The following PTPRG variants were observed in gnomAD, a reference collection of about 807,000 sequenced individuals.
The protein encoded by PTPRG is receptor-type tyrosine-protein phosphatase gamma.
Under a neutral mutation model 165.3 loss-of-function variants are expected in PTPRG, and 102 were observed. That is an observed-to-expected ratio of 0.62 (90% confidence interval 0.53 to 0.73). The LOEUF (loss-of-function observed/expected upper bound fraction) is 0.73, where lower values mean the gene tolerates loss of function less well. Ranked by LOEUF, PTPRG falls within the 30% of genes least tolerant of loss-of-function variation. The probability of loss-of-function intolerance (pLI) is 0.00; values close to 1 mark genes in which losing one functional copy is unlikely to be tolerated. For missense variants in PTPRG, 1,866 were observed against 1,861.4 expected (o/e 1.00, Z -0.05); for synonymous variants, 675 against 669.5 (o/e 1.01, Z -0.13).
At chr3:61,594,674 CTTTG>C (rs985035857) in intron 1 of PTPRG, among the ~76,000 whole-genome samples, 37 of 152,134 alleles carry the variant, frequency 2.4e-4, no homozygotes, top group African/African-American at 8.9e-4. Flanking sequence ...GTGCCAGGTC[CTTTG>C]TTTGAACCTC....
intron 2 of PTPRG, among the ~76,000 whole-genome samples, chr3:61,817,949 G>C (rs565571266): frequency 6.6e-6 from 1 of 152,210 alleles, no homozygotes; most frequent in East Asian, 1.9e-4. Context: ...GGGGCGGTGA[G>C]AGTCAAGTAT....
At chr3:62,087,352 G>C (rs1226031382) in intron 5 of PTPRG, among the ~76,000 whole-genome samples, 1 of 152,088 alleles carries the variant, frequency 6.6e-6, no homozygotes, top group African/African-American at 2.4e-5. Flanking sequence ...TAGATTTATC[G>C]GGAGAACTCC....
chr3:62,034,010 C>T (rs567675758), intron 4 of PTPRG, among the ~76,000 whole-genome samples: 2 of 152,332 alleles, frequency 1.3e-5, no homozygotes, highest in South Asian at 2.1e-4. Context: ...AGATAATCCT[C>T]CTGCCTCGGC....
chr3:61,994,859 G>T (rs1425957265), intron 3 of PTPRG, among the ~76,000 whole-genome samples: 2 of 152,140 alleles, frequency 1.3e-5, no homozygotes, highest in Non-Finnish European at 2.9e-5. Flanking sequence ...ACACAGGCCA[G>T]GGGTAACTAC....
intron 2 of PTPRG, chr3:61,753,585 G>GAT: frequency 2.8e-6 from 1 of 362,970 alleles, no homozygotes. Context: ...AAATTTGAGG[G>GAT]TTTTTTTTTT....
chr3:61,904,815 C>T (rs2038599672), intron 2 of PTPRG, among the ~76,000 whole-genome samples: 1 of 152,084 alleles, frequency 6.6e-6, no homozygotes, highest in African/African-American at 2.4e-5. Flanking sequence ...TGACAAAAAT[C>T]AGCCCAGTAA....
At chr3:61,817,195 T>TATATAATA (rs1277687707) in intron 2 of PTPRG, among the ~76,000 whole-genome samples, 1 of 135,678 alleles carries the variant, frequency 7.4e-6, no homozygotes, top group Non-Finnish European at 1.5e-5. Context: ...TAAAATAATA[T>TATATAATA]ATATAATAAT....
At chr3:61,895,285 AC>A (rs1359139974) in intron 2 of PTPRG, among the ~76,000 whole-genome samples, 3 of 152,128 alleles carry the variant, frequency 2.0e-5, no homozygotes, top group Admixed American at 2.0e-4. Context: ...TGTTTCTTGG[AC>A]CGTACTTTTA....
chr3:62,277,620 C>T lies in PTPRG; in HGVS notation c.3706C>T (p.Arg1236Ter), dbSNP rs758989740. 12 of 1,612,642 alleles carry T rather than the reference C, an allele frequency of 7.4e-6. No individual in the cohort carries two copies. The highest frequency in any genetic ancestry group is 1.3e-5 in the African/African-American group (1 of 74,920). The change falls in exon 26 of 30, where the codon CGA becomes TGA. Residue 1236 changes from arginine (R) to a stop codon, truncating the protein, a stop_gained. Coordinates refer to ENST00000474889, the MANE Select transcript of PTPRG (RefSeq NM_002841.4). LOFTEE classifies it high-confidence loss of function. ...PLPHTTKDFW[R>*]MIWDHNAQII... Reference sequence around the variant, plus strand: ...GCCACATACTACGAAAGATTTCTGGCGAATGATTTGGGATCATAACGCACA... The same window carrying T: ...GCCACATACTACGAAAGATTTCTGGTGAATGATTTGGGATCATAACGCACA...
chr3:61,908,191 C>G (rs549513363), intron 2 of PTPRG, among the ~76,000 whole-genome samples: 9 of 146,556 alleles, frequency 6.1e-5, no homozygotes, highest in South Asian at 2.2e-4. Context: ...TTTGGGAGGC[C>G]AAGGCAGGTG....
chr3:61,947,721 G>A (rs561503346), intron 2 of PTPRG, among the ~76,000 whole-genome samples: 1 of 152,264 alleles, frequency 6.6e-6, no homozygotes, highest in Non-Finnish European at 1.5e-5. Flanking sequence ...TGGCATTACT[G>A]GGCTGAAATC....
chr3:61,575,569 A>G (rs1700157515), intron 1 of PTPRG, among the ~76,000 whole-genome samples: 1 of 151,462 alleles, frequency 6.6e-6, no homozygotes, highest in South Asian at 2.1e-4. Context: ...GTGTGTGCAA[A>G]GCACCAGAAA....
chr3:62,081,126 G>A lies in PTPRG; in HGVS notation c.615+2868G>A, dbSNP rs539188103. On this transcript the variant is annotated intron_variant, in intron 5 of 29. Transcript: ENST00000474889. The stretch of plus-strand genomic sequence containing the variant: ...CAAAAAATTAGCCGGGCGTGGTGGC[G>A]GGCACCTGTAGTCCCAGCTACTCGG... Among the ~76,000 whole-genome samples the A allele has an allele frequency of 5.6e-3, 853 of 151,620 alleles. 7 individuals carry two copies. The highest frequency in any genetic ancestry group is 0.02 in the African/African-American group (822 of 41,294).
chr3:61,922,110 T>G (rs2039091095), intron 2 of PTPRG, among the ~76,000 whole-genome samples: 2 of 152,238 alleles, frequency 1.3e-5, no homozygotes, highest in African/African-American at 2.4e-5. Context: ...TTGTGAGCCC[T>G]GTACTTTTAA....
intron 2 of PTPRG, among the ~76,000 whole-genome samples, chr3:61,931,092 G>A (rs1378400280): frequency 6.6e-6 from 1 of 152,084 alleles, no homozygotes; most frequent in African/African-American, 2.4e-5. Flanking sequence ...GCTCCTTCCT[G>A]CCCGTGGGCC....
At chr3:61,671,093 TTTTG>T (rs1702967976) in intron 1 of PTPRG, among the ~76,000 whole-genome samples, 1 of 151,876 alleles carries the variant, frequency 6.6e-6, no homozygotes. Context: ...GGGAAGATTA[TTTTG>T]TTTGAGGTCT....
At position 62,229,315 on chromosome 3, in the gene PTPRG, C is replaced by T. The variant is rs1700840102; in HGVS notation, c.2289-1910C>T. On this transcript the variant is annotated intron_variant, in intron 13 of 29. Coordinates refer to ENST00000474889, the MANE Select transcript of PTPRG (RefSeq NM_002841.4). This position sits in a 1 kb window ranked among gnomAD's most constrained non-coding sequence, Gnocchi z 4.6. ...AGCTAATGCTGTGGATCCCAGGCAA[C>T]TTTTTGCTCAATAACTGTTTCCCAA... Among the ~76,000 whole-genome samples the T allele has an allele frequency of 6.6e-6, 1 of 152,096 alleles. No individual in the cohort carries two copies. Among genetic ancestry groups the T allele is most frequent in the African/African-American group, 2.4e-5 (1 of 41,414 alleles).
chr3:62,156,688 C>T (rs1444758850), intron 6 of PTPRG, among the ~76,000 whole-genome samples: 1 of 152,088 alleles, frequency 6.6e-6, no homozygotes, highest in African/African-American at 2.4e-5. Flanking sequence ...TATGATGAAA[C>T]AAGATTGGGA....
At chr3:62,066,132 C>T (rs1453937766) in intron 4 of PTPRG, among the ~76,000 whole-genome samples, 1 of 152,188 alleles carries the variant, frequency 6.6e-6, no homozygotes, top group Admixed American at 6.5e-5. Context: ...CCAACTAGAT[C>T]TACACCTGTG....
Sources: gnomAD v4.1 joint callset for allele counts (sites outside exome capture counted in the v4.1 genomes callset) on GRCh38, gnomAD v4.1.1 for gene constraint, Gnocchi (gnomAD v3.1) non-coding constraint, MANE v1.5 for transcripts, NCBI Gene and HGNC (gene_info 2026-07-23, HGNC 2026-07-21) for gene names.